Variants in OSBPL3 observed in about 807,000 individuals in gnomAD.
The protein encoded by OSBPL3 is oxysterol-binding protein-related protein 3.
Under a neutral mutation model 120.1 loss-of-function variants are expected in OSBPL3, and 65 were observed. The ratio of observed to expected loss-of-function variants is 0.54; its 90% CI spans 0.44 to 0.67. OSBPL3 has a LOEUF of 0.67. OSBPL3 is among the 30% of genes least tolerant of loss of function. The pLI, the probability that OSBPL3 is intolerant of heterozygous loss-of-function variation, is 0.00. For synonymous variants in OSBPL3, 416 were observed against 402.6 expected, an observed-to-expected ratio of 1.03 and a Z score of -0.40; for missense variants, 1,004 against 1,082.1, an observed-to-expected ratio of 0.93 and a Z score of 1.01.
At position 24,967,311 on chromosome 7, in the gene OSBPL3, T is replaced by G. The variant is rs540077036; in HGVS notation, c.-150+12575A>C. 2.6e-5 allele frequency among the ~76,000 whole-genome samples: 4 copies of G among 152,302 alleles called. No homozygotes were observed. In the South Asian group the frequency reaches 8.3e-4, roughly 32 times the overall value. The stretch of plus-strand genomic sequence containing the variant: ...GCACCACCCTTGGGTTCCCATGAAT[T>G]CTTACCCTACAGCTGCAAGGGATAA... On this transcript the variant is annotated intron_variant, in intron 1 of 22. Coordinates refer to ENST00000313367, the MANE Select transcript of OSBPL3 (RefSeq NM_015550.4). The surrounding 1 kb of genome is among the most constrained non-coding windows in gnomAD (Gnocchi z 5.6).
rs551545421 is a variant in OSBPL3, at chr7:24,891,151, T to G, written c.96+1226A>C. ...AAGAGGACAAGCACAGTGACCCTCATGAAAACAGAACTGCAGGGAGCCATG... is the reference window on the plus strand; with the variant it reads ...AAGAGGACAAGCACAGTGACCCTCAGGAAAACAGAACTGCAGGGAGCCATG... On this transcript the variant is annotated intron_variant, in intron 2 of 22. Transcript: ENST00000313367. The surrounding 1 kb of genome is among the most constrained non-coding windows in gnomAD (Gnocchi z 4.1). Among the ~76,000 whole-genome samples, 1 of 151,882 alleles carries G rather than the reference T, an allele frequency of 6.6e-6. No homozygotes were observed. The highest frequency in any genetic ancestry group is 1.5e-5 in the Non-Finnish European group (1 of 67,998).
In OSBPL3 at chr7:24,877,777, C is replaced by T. The variant is rs1803053715; in HGVS notation, c.97-5708G>A. Among the ~76,000 whole-genome samples, 1 of 152,108 alleles carries T rather than the reference C, an allele frequency of 6.6e-6. No individual in the cohort carries two copies. Among genetic ancestry groups the T allele is most frequent in the African/African-American group, 2.4e-5 (1 of 41,418 alleles). ...AGGACTTAGGAGTATCTCCTGGTGA[C>T]CCCAAGAGTAGGGCAGGCACCTTGA... On this transcript the variant is annotated intron_variant, in intron 2 of 22. Coordinates refer to ENST00000313367, the MANE Select transcript of OSBPL3 (RefSeq NM_015550.4). This position sits in a 1 kb window ranked among gnomAD's most constrained non-coding sequence, Gnocchi z 4.8.
chr7:24,800,303 T>G, intron 22 of OSBPL3, 24 bp from the exon 23 acceptor site: 1 of 1,387,082 alleles, frequency 7.2e-7, no homozygotes, highest in Non-Finnish European at 1.0e-6. Context: ...AACAATTTCT[T>G]GCAGACTCTT....
Position 24,899,027 on chromosome 7 carries a change from A to G in OSBPL3, c.-149-6406T>C, listed in dbSNP as rs1313651776. On this transcript the variant is annotated intron_variant, in intron 1 of 22. Coordinates refer to ENST00000313367, the MANE Select transcript of OSBPL3 (RefSeq NM_015550.4). This position sits in a 1 kb window ranked among gnomAD's most constrained non-coding sequence, Gnocchi z 4.0. Reference sequence around the variant, plus strand: ...CAAGACAGAACTTTTTTTTAACCATAACCTGCACTGAAACCACCACCATCC... The same window carrying G: ...CAAGACAGAACTTTTTTTTAACCATGACCTGCACTGAAACCACCACCATCC... Among the ~76,000 whole-genome samples, 1 of 152,110 alleles carries G rather than the reference A, an allele frequency of 6.6e-6. No homozygotes were observed. The highest frequency in any genetic ancestry group is 1.5e-5 in the Non-Finnish European group (1 of 68,018).
Position 24,883,854 on chromosome 7 carries a change from T to TG in OSBPL3, c.96+8522dup, listed in dbSNP as rs1289475006. Among the ~76,000 whole-genome samples the TG allele has an allele frequency of 6.6e-6, 1 of 152,206 alleles. No individual in the cohort carries two copies. The highest frequency in any genetic ancestry group is 1.5e-5 in the Non-Finnish European group (1 of 68,036). ...CCTCTTCTGATATCAAATGTTTGTT[T>TG]GTGTCTTATAAGACTTACTCAGAGT... is the stretch of plus-strand genomic sequence containing the variant. On this transcript the variant is annotated intron_variant, in intron 2 of 22. Transcript: ENST00000313367. The surrounding 1 kb of genome is among the most constrained non-coding windows in gnomAD (Gnocchi z 5.4).
intron 5 of OSBPL3, among the ~76,000 whole-genome samples, chr7:24,870,441 G>C (rs914281719): frequency 2.6e-5 from 4 of 152,208 alleles, no homozygotes; most frequent in Admixed American, 6.5e-5. Context: ...GTTACTGCCT[G>C]GGTGGAGATG....
In OSBPL3 at chr7:24,817,914, G is replaced by T. The variant is rs1323714634; in HGVS notation, c.1949-1226C>A. Among the ~76,000 whole-genome samples, 1 of 152,162 alleles carries T rather than the reference G, an allele frequency of 6.6e-6. No individual in the cohort carries two copies. Among genetic ancestry groups the T allele is most frequent in the Non-Finnish European group, 1.5e-5 (1 of 68,028 alleles). ...ATGGTGGTACCAACAGAGAAGCCAG[G>T]AAATAGAAAAAGAACAGCAAGAGGA... is the stretch of plus-strand genomic sequence containing the variant. On this transcript the variant is annotated intron_variant, in intron 17 of 22. Coordinates refer to ENST00000313367, the MANE Select transcript of OSBPL3 (RefSeq NM_015550.4). The surrounding 1 kb of genome is among the most constrained non-coding windows in gnomAD (Gnocchi z 4.0).
At position 24,835,707 on chromosome 7, in the gene OSBPL3, T is replaced by C. The variant is rs185878663; in HGVS notation, c.1496-971A>G. Among the ~76,000 whole-genome samples the C allele has an allele frequency of 3.0e-4, 45 of 152,296 alleles. No individual in the cohort carries two copies. The highest frequency in any genetic ancestry group is 1.1e-3 in the African/African-American group (44 of 41,546). The stretch of plus-strand genomic sequence containing the variant: ...GACTAGATAAAGAAAATGTGGTACA[T>C]ATACACCATGGAATACTGTGCAGCC... On this transcript the variant is annotated intron_variant, in intron 14 of 22. Coordinates refer to ENST00000313367, the MANE Select transcript of OSBPL3 (RefSeq NM_015550.4). The surrounding 1 kb of genome is among the most constrained non-coding windows in gnomAD (Gnocchi z 4.8).
intron 14 of OSBPL3, among the ~76,000 whole-genome samples, chr7:24,839,892 A>G (rs1797486803): frequency 6.8e-6 from 1 of 147,500 alleles, no homozygotes; most frequent in African/African-American, 2.5e-5. Context: ...TCCAGAGGCT[A>G]AGGCAGGAGA....
intron 10 of OSBPL3, among the ~76,000 whole-genome samples, chr7:24,861,371 CA>C (rs1436139874): frequency 6.6e-6 from 1 of 152,208 alleles, no homozygotes; most frequent in Non-Finnish European, 1.5e-5. Context: ...ACCAACATCA[CA>C]TGAATTGCTC....
chr7:24,925,107 A>G (rs1035598622), intron 1 of OSBPL3, among the ~76,000 whole-genome samples: 1 of 152,240 alleles, frequency 6.6e-6, no homozygotes, highest in Non-Finnish European at 1.5e-5. Flanking sequence ...CCACAGAATT[A>G]GGTGTTTTAA....
chr7:24,871,467 A>G lies in OSBPL3; in HGVS notation c.267+275T>C, dbSNP rs903401293. Among the ~76,000 whole-genome samples, 1 of 152,088 alleles carries G rather than the reference A, an allele frequency of 6.6e-6. No individual in the cohort carries two copies. Among genetic ancestry groups the G allele is most frequent in the Non-Finnish European group, 1.5e-5 (1 of 68,010 alleles). On this transcript the variant is annotated intron_variant, in intron 4 of 22. Transcript: ENST00000313367. The surrounding 1 kb of genome is among the most constrained non-coding windows in gnomAD (Gnocchi z 4.8). ...TGTTTTGTTCCTGTTATCTAGCTGCAAGGATGTATTCTCCCACCCCAGGAA... is the reference window on the plus strand; with the variant it reads ...TGTTTTGTTCCTGTTATCTAGCTGCGAGGATGTATTCTCCCACCCCAGGAA...
chr7:24,804,974 A>T lies in OSBPL3; in HGVS notation c.2445-537T>A, dbSNP rs1251871289. Among the ~76,000 whole-genome samples the T allele has an allele frequency of 6.6e-6, 1 of 152,194 alleles. No homozygotes were observed. The highest frequency in any genetic ancestry group is 1.5e-5 in the Non-Finnish European group (1 of 68,036). On this transcript the variant is annotated intron_variant, in intron 21 of 22. Transcript: ENST00000313367. This position sits in a 1 kb window ranked among gnomAD's most constrained non-coding sequence, Gnocchi z 5.4. Reference sequence around the variant, plus strand: ...ATATCCAGTTGCGTGGATGTATATGAATTTAGACAATTTCCTATGGATAGA... The same window carrying T: ...ATATCCAGTTGCGTGGATGTATATGTATTTAGACAATTTCCTATGGATAGA...
chr7:24,850,067 G>T (rs571692424), intron 11 of OSBPL3, among the ~76,000 whole-genome samples: 13 of 152,268 alleles, frequency 8.5e-5, no homozygotes, highest in African/African-American at 3.1e-4. Flanking sequence ...TCAGGACTAA[G>T]GCAATCTATT....
intron 1 of OSBPL3, among the ~76,000 whole-genome samples, chr7:24,920,393 C>T (rs1162076341): frequency 6.6e-6 from 1 of 152,034 alleles, no homozygotes; most frequent in Non-Finnish European, 1.5e-5. Context: ...TTTTTAAAGG[C>T]CATATATTGT....
intron 1 of OSBPL3, among the ~76,000 whole-genome samples, chr7:24,935,126 A>G (rs1023566719): frequency 1.3e-5 from 2 of 152,182 alleles, no homozygotes; most frequent in Non-Finnish European, 2.9e-5. Context: ...AATAACCTAT[A>G]AGACATCCAT....
chr7:24,924,340 T>G (rs1442148061), intron 1 of OSBPL3, among the ~76,000 whole-genome samples: 1 of 152,240 alleles, frequency 6.6e-6, no homozygotes, highest in Non-Finnish European at 1.5e-5. Context: ...CCTCTATACG[T>G]TCTCTGTATT....
intron 22 of OSBPL3, among the ~76,000 whole-genome samples, chr7:24,801,243 CAAAAAAAAAAA>C (rs397976980): frequency 1.4e-5 from 1 of 73,984 alleles, no homozygotes; most frequent in East Asian, 3.5e-4. Flanking sequence ...GACTCCTTCT[CAAAAAAAAAAA>C]AAAAAAAAAA....
intron 1 of OSBPL3, among the ~76,000 whole-genome samples, chr7:24,971,331 G>A (rs1246059135): frequency 2.0e-5 from 3 of 152,166 alleles, no homozygotes; most frequent in Non-Finnish European, 4.4e-5. Flanking sequence ...AAAACAATTT[G>A]GTAAATGAAG....
Sources: allele counts gnomAD v4.1 joint callset (sites outside exome capture counted in the v4.1 genomes callset), GRCh38; gene constraint gnomAD v4.1.1; non-coding constraint Gnocchi (gnomAD v3.1); transcripts MANE v1.5; gene names NCBI Gene and HGNC (gene_info 2026-07-23, HGNC 2026-07-21).